TMPRSS15: variants seen among roughly 807,000 people sequenced by gnomAD.
TMPRSS15 encodes enteropeptidase.
TMPRSS15 carries 128 observed loss-of-function variants against 125.3 expected under a neutral mutation model. The ratio of observed to expected loss-of-function variants is 1.02; its 90% CI spans 0.89 to 1.18. The LOEUF is 1.18. Ranked by LOEUF, TMPRSS15 falls within the 50% of genes most tolerant of loss-of-function variation. The pLI, the probability that TMPRSS15 is intolerant of heterozygous loss-of-function variation, is 0.00. For missense variants in TMPRSS15, 1,283 were observed against 1,212.7 expected (o/e 1.06, Z -0.86); for synonymous variants, 446 against 423.2 (o/e 1.05, Z -0.66).
upstream of TMPRSS15, among the ~76,000 whole-genome samples, chr21:18,405,565 A>G (rs377762865): frequency 1.3e-4 from 20 of 152,296 alleles, no homozygotes; most frequent in South Asian, 1.9e-3. Context: ...AAACTGTCTC[A>G]GCGGAATTAA....
intron 1 of TMPRSS15, among the ~76,000 whole-genome samples, chr21:18,464,271 G>C (rs1026091923): frequency 6.6e-6 from 1 of 151,420 alleles, no homozygotes; most frequent in Admixed American, 6.6e-5. Context: ...AGTGTTTAGA[G>C]AGAAATTTAT....
intron 1 of TMPRSS15, 72 bp downstream of exon 1, chr21:18,403,406 A>G: frequency 6.3e-7 from 1 of 1,597,722 alleles, no homozygotes; most frequent in Non-Finnish European, 8.6e-7. Flanking sequence ...AAATAGACTT[A>G]CAGAATAACT....
intron 21 of TMPRSS15, among the ~76,000 whole-genome samples, chr21:18,284,770 G>A (rs1335939440): frequency 6.6e-6 from 1 of 152,088 alleles, no homozygotes; most frequent in Admixed American, 6.5e-5. Flanking sequence ...GGAGGCCGAG[G>A]CAGGTGGATC....
At chr21:18,283,807 T>G (rs1019170628) in intron 21 of TMPRSS15, among the ~76,000 whole-genome samples, 1 of 152,158 alleles carries the variant, frequency 6.6e-6, no homozygotes, top group Non-Finnish European at 1.5e-5. Flanking sequence ...GCATCTAAAC[T>G]CCCAAATTCT....
intron 4 of TMPRSS15, among the ~76,000 whole-genome samples, chr21:18,382,747 G>A (rs759194231): frequency 6.6e-6 from 1 of 152,062 alleles, no homozygotes; most frequent in Non-Finnish European, 1.5e-5. Flanking sequence ...CAAGGTTTAT[G>A]GGTAAGGGAT....
intron 3 of TMPRSS15, among the ~76,000 whole-genome samples, chr21:18,389,412 T>A (rs992464682): frequency 2.7e-4 from 41 of 152,322 alleles, no homozygotes; most frequent in African/African-American, 9.9e-4. Context: ...ACTGATGAAG[T>A]ATATTATTTG....
intron 1 of TMPRSS15, among the ~76,000 whole-genome samples, chr21:18,478,719 G>C (rs989779861): frequency 1.3e-5 from 2 of 151,882 alleles, no homozygotes; most frequent in African/African-American, 4.8e-5. Flanking sequence ...TTTTCCTCAT[G>C]GTTAGATTGA....
chr21:18,284,937 G>T (rs961694456), intron 21 of TMPRSS15, among the ~76,000 whole-genome samples: 1 of 151,828 alleles, frequency 6.6e-6, no homozygotes, highest in African/African-American at 2.4e-5. Flanking sequence ...GGAGGCAGAG[G>T]TTCCAGGGAG....
At chr21:18,423,244 G>T (rs927084179) in intron 1 of TMPRSS15, among the ~76,000 whole-genome samples, 1 of 152,056 alleles carries the variant, frequency 6.6e-6, no homozygotes, top group Non-Finnish European at 1.5e-5. Context: ...CCAACTGCCT[G>T]CCCACTCCCA....
In TMPRSS15 at chr21:18,341,441, C is replaced by A; in HGVS notation, c.1536G>T (p.Leu512Phe). 1 of 1,614,046 alleles carries A rather than the reference C, an allele frequency of 6.2e-7. No homozygotes were observed. The highest frequency in any genetic ancestry group is 1.6e-4 in the Middle Eastern group (1 of 6,062). ...GAAGTTCTGGTGGAGGAGTTGGCACCAAAGTTGGTTCTGGATAAAGACTCC... is the reference window on the plus strand; with the variant it reads ...GAAGTTCTGGTGGAGGAGTTGGCACAAAAGTTGGTTCTGGATAAAGACTCC... Reference protein sequence around the residue: ...CNGSLYPEPTLVPTPPPELPT... With the variant: ...CNGSLYPEPTFVPTPPPELPT... Residue 512 changes from leucine (L) to phenylalanine (F), a missense_variant, in exon 13 of 25, where the codon TTG (leucine) becomes TTT (phenylalanine). By Grantham distance (22) the Leu-to-Phe change is conservative. Transcript: ENST00000284885.
chr21:18,345,196 A>C (rs1387547643), intron 10 of TMPRSS15, among the ~76,000 whole-genome samples: 1 of 152,186 alleles, frequency 6.6e-6, no homozygotes, highest in African/African-American at 2.4e-5. Context: ...TGTATGACAA[A>C]CTGTTAATAA....
At position 18,366,698 on chromosome 21, in the gene TMPRSS15, A is replaced by T. The variant is rs189168849; in HGVS notation, c.665-1450T>A. ...TTGGTTATGTTGACACAATATTCTAAAATTATGACCCTTACAATGTGTCTT... is the reference window on the plus strand; with the variant it reads ...TTGGTTATGTTGACACAATATTCTATAATTATGACCCTTACAATGTGTCTT... On this transcript the variant is annotated intron_variant, in intron 6 of 24. Coordinates refer to ENST00000284885, the MANE Select transcript of TMPRSS15 (RefSeq NM_002772.3). Among the ~76,000 whole-genome samples, 6 of 152,240 alleles carry T rather than the reference A, an allele frequency of 3.9e-5. No individual in the cohort carries two copies. In the East Asian group the frequency reaches 1.2e-3, roughly 29 times the overall value.
chr21:18,426,619 T>C (rs1475297237), intron 1 of TMPRSS15, among the ~76,000 whole-genome samples: 1 of 152,122 alleles, frequency 6.6e-6, no homozygotes, highest in Non-Finnish European at 1.5e-5. Flanking sequence ...AAAAGCTATT[T>C]GTTTTAGCCA....
At chr21:18,383,884 C>A in intron 3 of TMPRSS15, 106 bp from the exon 4 acceptor site, 1 of 1,339,412 alleles carries the variant, frequency 7.5e-7, no homozygotes, top group South Asian at 1.3e-5. Context: ...TATCATCTTG[C>A]TAATTCTCAT....
chr21:18,400,340 A>G (rs2076083364), intron 1 of TMPRSS15, among the ~76,000 whole-genome samples: 1 of 152,242 alleles, frequency 6.6e-6, no homozygotes, highest in South Asian at 2.1e-4. Flanking sequence ...ATAAAGCTAT[A>G]GTAACTAAAA....
At chr21:18,336,762 C>G (rs2075396823) in intron 13 of TMPRSS15, among the ~76,000 whole-genome samples, 1 of 152,158 alleles carries the variant, frequency 6.6e-6, no homozygotes, top group African/African-American at 2.4e-5. Context: ...CCTTGAACTC[C>G]TGGCTTCAAA....
At chr21:18,396,364 A>T (rs1378068721) in intron 3 of TMPRSS15, among the ~76,000 whole-genome samples, 4 of 152,008 alleles carry the variant, frequency 2.6e-5, no homozygotes, top group East Asian at 1.9e-4. Context: ...ACATTCCCCA[A>T]CACCTACTAG....
intron 1 of TMPRSS15, among the ~76,000 whole-genome samples, chr21:18,428,143 T>C (rs554499303): frequency 1.3e-5 from 2 of 152,354 alleles, no homozygotes; most frequent in East Asian, 3.9e-4. Flanking sequence ...ATATGAAGCC[T>C]TTCTTTTAGA....
At chr21:18,301,911 T>C (rs892537355) in intron 18 of TMPRSS15, among the ~76,000 whole-genome samples, 5 of 152,180 alleles carry the variant, frequency 3.3e-5, no homozygotes, top group Non-Finnish European at 5.9e-5. Context: ...TTTGAGGTCA[T>C]AGATGGCGTA....
Sources: gnomAD v4.1 joint callset for allele counts (sites outside exome capture counted in the v4.1 genomes callset) on GRCh38, gnomAD v4.1.1 for gene constraint, MANE v1.5 for transcripts, NCBI Gene and HGNC (gene_info 2026-07-23, HGNC 2026-07-21) for gene names.